Variants in RETSAT observed in about 807,000 individuals in gnomAD.
RETSAT encodes retinol saturase, also known as all-trans-retinol 13,14-reductase.
RETSAT carries 35 observed loss-of-function variants against 61.6 expected under a neutral mutation model. That is an observed-to-expected ratio of 0.57 (90% CI 0.43 to 0.75). RETSAT has a LOEUF of 0.75. RETSAT is among the 30% of genes least tolerant of loss of function. The pLI, the probability that RETSAT is intolerant of heterozygous loss-of-function variation, is 0.00. For missense variants in RETSAT, 670 were observed against 759.5 expected (o/e 0.88, Z 1.38); for synonymous variants, 277 against 310.4 (o/e 0.89, Z 1.13).
Position 85,354,433 on chromosome 2 carries a change from G to C in RETSAT, c.75C>G (p.Phe25Leu), listed in dbSNP as rs550383365. Residue 25 changes from phenylalanine to leucine, a missense_variant, in exon 1 of 11, where the codon TTC becomes TTG. By Grantham distance (22) the Phe-to-Leu change is conservative. Transcript: ENST00000295802. ...AVLCKVYLGL[F>L]SGSSPNPFSE... ...AGAAAGGATTCGGGGAGCTGCCAGA[G>C]AATAGTCCCAAGTAAACTTTGCAGA... 1.2e-6 allele frequency: 2 copies of C among 1,614,238 alleles called. No homozygotes were observed. Among genetic ancestry groups the C allele is most frequent in the African/African-American group, 2.7e-5 (2 of 75,080 alleles).
chr2:85,346,326 C>G (rs1006757374), intron 5 of RETSAT, among the ~76,000 whole-genome samples: 1 of 152,176 alleles, frequency 6.6e-6, no homozygotes, highest in African/African-American at 2.4e-5. Flanking sequence ...CTGTACCCAC[C>G]TGTGTGTGTG....
At chr2:85,353,922 C>G in intron 1 of RETSAT, among the ~76,000 whole-genome samples, 1 of 152,140 alleles carries the variant, frequency 6.6e-6, no homozygotes. Flanking sequence ...ACCGGACGGG[C>G]AAAACGCAAT....
At chr2:85,351,960 A>T in intron 1 of RETSAT, 98 bp from the exon 2 acceptor site, 1 of 1,148,920 alleles carries the variant, frequency 8.7e-7, no homozygotes, top group South Asian at 1.5e-5. Flanking sequence ...TGTACAGTGC[A>T]AGAAACCTCT....
chr2:85,343,620 C>T lies in RETSAT; in HGVS notation c.1693+19G>A. ...GGCCCAGGGTCTCAGGTCCTGACAA[C>T]ATGGGGCAGTGAGTATACCTGTCAG... On this transcript the variant is annotated intron_variant, in intron 10 of 10. Coordinates refer to ENST00000295802, the MANE Select transcript of RETSAT (RefSeq NM_017750.4). The T allele has an allele frequency of 1.9e-6, 3 of 1,613,916 alleles. No homozygotes were observed. The highest frequency in any genetic ancestry group is 3.3e-5 in the Admixed American group (2 of 60,018).
intron 5 of RETSAT, 65 bp from the exon 6 acceptor site, chr2:85,346,159 C>T (rs1573062536): frequency 1.9e-6 from 3 of 1,561,534 alleles, no homozygotes; most frequent in Non-Finnish European, 2.6e-6. Flanking sequence ...GCCCACGGCC[C>T]CCATGGATCT....
At position 85,350,199 on chromosome 2, in the gene RETSAT, G is replaced by C. The variant is rs549287796; in HGVS notation, c.640C>G (p.Leu214Val). The change falls in exon 4 of 11, where the codon CTC (leucine) becomes GTC (valine). Residue 214 changes from leucine (L) to valine (V), a missense_variant. By Grantham distance (32) the Leu-to-Val change is conservative. Coordinates refer to ENST00000295802, the MANE Select transcript of RETSAT (RefSeq NM_017750.4). ...AGGAGCTGAACCACGGGCAATGGGA[G>C]GAATTTCAACAGGATGGCATGAGGG... ...GAPHAILLKF[L>V]PLPVVQLLDR... The C allele has an allele frequency of 6.2e-7, 1 of 1,613,980 alleles. No homozygotes were observed. Among genetic ancestry groups the C allele is most frequent in the South Asian group, 1.1e-5 (1 of 91,074 alleles).
At chr2:85,347,124 C>T (rs1683214821) in intron 5 of RETSAT, among the ~76,000 whole-genome samples, 1 of 152,092 alleles carries the variant, frequency 6.6e-6, no homozygotes, top group African/African-American at 2.4e-5. Flanking sequence ...TCATCTCACC[C>T]TTTATTACTC....
chr2:85,349,599 G>C lies in RETSAT; in HGVS notation c.800-18C>G, dbSNP rs775617147. On this transcript the variant is annotated intron_variant, in intron 4 of 10. Transcript: ENST00000295802. ...GGTGACACCTGCAGAAGCAAGGAAG[G>C]GTGGTGAGCTGGCAAGAGAAGGCAC... is the stretch of plus-strand genomic sequence containing the variant. 1 of 1,611,442 alleles carries C rather than the reference G, an allele frequency of 6.2e-7. No individual in the cohort carries two copies. Among genetic ancestry groups the C allele is most frequent in the African/African-American group, 1.3e-5 (1 of 74,890 alleles).
At chr2:85,344,550 A>C in intron 7 of RETSAT, 44 bp downstream of exon 7, 1 of 1,604,842 alleles carries the variant, frequency 6.2e-7, no homozygotes. Context: ...TGAGTCAAGC[A>C]GGGAGGCACG....
At chr2:85,354,315 C>T (rs1683388764) in intron 1 of RETSAT, 21 bp downstream of exon 1, 1 of 1,613,646 alleles carries the variant, frequency 6.2e-7, no homozygotes, top group Non-Finnish European at 8.5e-7. Flanking sequence ...CAGCCCCGGA[C>T]CCCAGGGTCC....
Position 85,343,022 on chromosome 2 carries a change from T to G in RETSAT, c.*220A>C. The G allele has an allele frequency of 6.0e-6, 3 of 500,060 alleles. No individual in the cohort carries two copies. Among genetic ancestry groups the G allele is most frequent in the Non-Finnish European group, 7.2e-6 (2 of 277,432 alleles). The allele number at this position is 500,060 out of a possible 1,614,324, so 31.0% of individuals were successfully genotyped here. ...CAATATCCTATTAGTAGGGATGGCA[T>G]GTTATAAAAGGCGTAAAGATCTCAC... On this transcript the variant is annotated 3_prime_UTR_variant, in exon 11 of 11. Transcript: ENST00000295802.
In RETSAT at chr2:85,349,258, C is replaced by T. The variant is rs898659651; in HGVS notation, c.997+126G>A. The T allele has an allele frequency of 3.6e-6, 3 of 829,160 alleles. No individual in the cohort carries two copies. The African/African-American group carries it at 5.1e-5, about 14-fold the overall frequency. 51.4% of individuals were successfully genotyped at this position (829,160 alleles called of 1,614,324 possible). A position where few individuals can be genotyped will look rare whatever the true frequency, so the allele number is the denominator to read the frequency against. On this transcript the variant is annotated intron_variant, in intron 5 of 10. Coordinates refer to ENST00000295802, the MANE Select transcript of RETSAT (RefSeq NM_017750.4). ...ACTATCCCTGGACCCTGCTCTGGGG[C>T]AGATTCTCACCTTTAGCCTCCATGA... is the stretch of plus-strand genomic sequence containing the variant.
In RETSAT at chr2:85,343,471, C is replaced by T. The variant is rs1683123205; in HGVS notation, c.1694-90G>A. 2.6e-6 allele frequency: 4 copies of T among 1,536,816 alleles called. No homozygotes were observed. The East Asian group carries it at 6.8e-5, about 26-fold the overall frequency. On this transcript the variant is annotated intron_variant, in intron 10 of 10. Transcript: ENST00000295802. ...TGGTGCTCTTCCCTCCACATGAGGG[C>T]CACCCAGAGCTGGCTCCAATCAGAC... is the stretch of plus-strand genomic sequence containing the variant.
At chr2:85,345,751 T>A in intron 6 of RETSAT, 1 of 676,760 alleles carries the variant, frequency 1.5e-6, no homozygotes, top group East Asian at 2.9e-5. Context: ...CCCTTTCAGC[T>A]GAGTGGCCTC....
chr2:85,349,446 C>A lies in RETSAT; in HGVS notation c.935G>T (p.Gly312Val). The A allele has an allele frequency of 6.2e-7, 1 of 1,614,138 alleles. No homozygotes were observed. Among genetic ancestry groups the A allele is most frequent in the South Asian group, 1.1e-5 (1 of 91,086 alleles). Reference sequence around the variant, plus strand: ...CACAGTGGCCTTTGTGAGGACAGCGCCCCCAGCCCGCTGAATCACAGGGAT... The same window carrying A: ...CACAGTGGCCTTTGTGAGGACAGCGACCCCAGCCCGCTGAATCACAGGGAT... ...HTIPVIQRAG[G>V]AVLTKATVQS... is the part of the protein sequence containing the mutation. The change falls in exon 5 of 11, where the codon GGC becomes GTC. Residue 312 changes from glycine (G) to valine (V), a missense_variant. Physicochemically the swap from Gly to Val is moderately radical, Grantham distance 109. Transcript: ENST00000295802.
chr2:85,346,667 T>C (rs1381263682), intron 5 of RETSAT, among the ~76,000 whole-genome samples: 1 of 152,110 alleles, frequency 6.6e-6, no homozygotes, highest in African/African-American at 2.4e-5. Context: ...GCCAGAGGAA[T>C]GGGTTCAGCC....
intron 1 of RETSAT, among the ~76,000 whole-genome samples, chr2:85,352,381 C>G (rs1432547911): frequency 6.6e-6 from 1 of 152,002 alleles, no homozygotes; most frequent in Admixed American, 6.6e-5. Flanking sequence ...GTAGCTGGGA[C>G]TACAGGTGCC....
intron 2 of RETSAT, 113 bp downstream of exon 2, chr2:85,351,567 G>A: frequency 2.8e-6 from 3 of 1,072,612 alleles, no homozygotes; most frequent in Non-Finnish European, 4.1e-6. Flanking sequence ...AGTACCCAGA[G>A]AGAAGATGGC....
At chr2:85,347,180 G>A (rs1683216559) in intron 5 of RETSAT, among the ~76,000 whole-genome samples, 1 of 152,018 alleles carries the variant, frequency 6.6e-6, no homozygotes, top group African/African-American at 2.4e-5. Context: ...GTTCCACCGT[G>A]CTGTCTGTTA....
Sources: gnomAD v4.1 joint callset for allele counts (sites outside exome capture counted in the v4.1 genomes callset) on GRCh38, gnomAD v4.1.1 for gene constraint, MANE v1.5 for transcripts, NCBI Gene and HGNC (gene_info 2026-07-23, HGNC 2026-07-21) for gene names.